RALGAPB: variants seen among roughly 807,000 people sequenced by gnomAD.
RALGAPB encodes ral GTPase-activating protein subunit beta.
RALGAPB carries 25 observed loss-of-function variants against 161.1 expected under a neutral mutation model. The ratio of observed to expected loss-of-function variants is 0.16; its 90% CI spans 0.11 to 0.22. The LOEUF (loss-of-function observed/expected upper bound fraction) is 0.22. RALGAPB is among the 10% of genes least tolerant of loss of function. RALGAPB has a pLI of 1.00. For synonymous variants in RALGAPB, 629 were observed against 626.1 expected (o/e 1.00, Z -0.07); for missense variants, 1,391 against 1,815.2 (o/e 0.77, Z 4.25).
chr20:38,524,056 G>C (rs976886478), intron 10 of RALGAPB, among the ~76,000 whole-genome samples: 3 of 152,198 alleles, frequency 2.0e-5, no homozygotes, highest in African/African-American at 7.2e-5. Context: ...GAGTTTTGCA[G>C]AGAAGAGAAA....
chr20:38,486,629 C>CT (rs1026256017), intron 1 of RALGAPB, among the ~76,000 whole-genome samples: 5 of 151,860 alleles, frequency 3.3e-5, no homozygotes, highest in African/African-American at 4.8e-5. Context: ...CTAGTTTGTC[C>CT]TTTTTTTTCT....
chr20:38,570,889 T>A (rs2088207566), intron 28 of RALGAPB, 42 bp downstream of exon 28: 3 of 1,300,196 alleles, frequency 2.3e-6, no homozygotes, highest in Non-Finnish European at 3.3e-6. Flanking sequence ...TGTCTTTTTT[T>A]AACATATTGA....
intron 20 of RALGAPB, among the ~76,000 whole-genome samples, chr20:38,549,457 GTCT>G (rs2087285863): frequency 6.7e-6 from 1 of 150,250 alleles, no homozygotes; most frequent in Admixed American, 6.7e-5. Flanking sequence ...CCAAACTTCT[GTCT>G]TCAAGTGATC....
chr20:38,531,097 TATAAA>T lies in RALGAPB; in HGVS notation c.2051-67_2051-63del. 2.3e-6 allele frequency: 3 copies of T among 1,277,388 alleles called. No individual in the cohort carries two copies. The South Asian group carries it at 3.7e-5, about 16-fold the overall frequency. 79.1% of individuals were successfully genotyped at this position (1,277,388 alleles called of 1,614,324 possible). ...ATATTCTTATCTGTACTATTAATCA[TATAAA>T]ATGTCTTACGCATTTTAGTGTTCTT... On this transcript the variant is annotated intron_variant, in intron 13 of 29. Coordinates refer to ENST00000262879, the MANE Select transcript of RALGAPB (RefSeq NM_020336.4).
At chr20:38,549,100 A>G (rs1370444504) in intron 20 of RALGAPB, among the ~76,000 whole-genome samples, 1 of 152,226 alleles carries the variant, frequency 6.6e-6, no homozygotes, top group Non-Finnish European at 1.5e-5. Context: ...CAAATGTAAT[A>G]AAAGTCAGAT....
At chr20:38,550,954 T>G in intron 20 of RALGAPB, 117 bp from the exon 21 acceptor site, 1 of 1,246,506 alleles carries the variant, frequency 8.0e-7, no homozygotes, top group Non-Finnish European at 1.1e-6. Context: ...TCTGAGTGAG[T>G]TTTTGTGACA....
At chr20:38,491,410 TG>T (rs1393520811) in intron 2 of RALGAPB, among the ~76,000 whole-genome samples, 1 of 152,158 alleles carries the variant, frequency 6.6e-6, no homozygotes, top group Non-Finnish European at 1.5e-5. Context: ...AAAATGATCT[TG>T]GCATGTTAAT....
Position 38,499,922 on chromosome 20 carries a change from G to C in RALGAPB, c.740+289G>C, listed in dbSNP as rs114955060. 7.4e-3 allele frequency: 1,458 copies of C among 198,300 alleles called. 25 individuals carry two copies. Among genetic ancestry groups the C allele is most frequent in the African/African-American group, 0.031 (1,363 of 43,322 alleles). The allele number at this position is 198,300 out of a possible 1,614,324, so 12.3% of individuals were successfully genotyped here. A position where few individuals can be genotyped will look rare whatever the true frequency, so the allele number is the denominator to read the frequency against. ...AAAATATGCATGATCATTAAAATAT[G>C]CCTAATCATTATTTTAAAGAAACAA... On this transcript the variant is annotated intron_variant, in intron 5 of 29. Coordinates refer to ENST00000262879, the MANE Select transcript of RALGAPB (RefSeq NM_020336.4).
At chr20:38,498,962 G>A (rs1044013353) in intron 4 of RALGAPB, among the ~76,000 whole-genome samples, 4 of 152,164 alleles carry the variant, frequency 2.6e-5, no homozygotes, top group Non-Finnish European at 4.4e-5. Context: ...GCATGAAGTC[G>A]GAGAAGTTAC....
At chr20:38,571,813 T>G (rs2088250198) in intron 28 of RALGAPB, among the ~76,000 whole-genome samples, 1 of 152,186 alleles carries the variant, frequency 6.6e-6, no homozygotes. Flanking sequence ...AGTTTACATT[T>G]CCACCAACAG....
rs574193727 is a variant in RALGAPB, at chr20:38,545,545, A to C, written c.2715-698A>C. Among the ~76,000 whole-genome samples, 6 of 152,098 alleles carry C rather than the reference A, an allele frequency of 3.9e-5. No individual in the cohort carries two copies. In the South Asian group the frequency reaches 1.2e-3, roughly 32 times the overall value. ...TCTACAGCACCACATTTGTCATCTC[A>C]ACTCTCAGCTTGAATGGCCTCTCCT... On this transcript the variant is annotated intron_variant, in intron 18 of 29. Coordinates refer to ENST00000262879, the MANE Select transcript of RALGAPB (RefSeq NM_020336.4).
intron 14 of RALGAPB, among the ~76,000 whole-genome samples, chr20:38,532,513 G>A (rs1195316163): frequency 6.6e-6 from 1 of 152,162 alleles, no homozygotes; most frequent in Non-Finnish European, 1.5e-5. Context: ...CCCCAGTATG[G>A]GCACTTGTAG....
chr20:38,555,574 G>C (rs998843282), intron 22 of RALGAPB, among the ~76,000 whole-genome samples: 1 of 152,116 alleles, frequency 6.6e-6, no homozygotes, highest in Non-Finnish European at 1.5e-5. Flanking sequence ...GAACAGAGTA[G>C]AAGCAGTAAA....
At chr20:38,546,788 G>T (rs1305348544) in intron 19 of RALGAPB, 6 of 218,354 alleles carry the variant, frequency 2.7e-5, no homozygotes, top group Non-Finnish European at 9.2e-6. Flanking sequence ...TGTATCAATT[G>T]TTGGTGCTAC....
At chr20:38,520,006 A>G (rs1007267373) in intron 9 of RALGAPB, among the ~76,000 whole-genome samples, 1 of 152,192 alleles carries the variant, frequency 6.6e-6, no homozygotes, top group African/African-American at 2.4e-5. Context: ...AGTTCTTTGT[A>G]GTTGTGTAAT....
chr20:38,509,340 A>C (rs2085864122), intron 6 of RALGAPB, 132 bp downstream of exon 6: 8 of 993,094 alleles, frequency 8.1e-6, no homozygotes, highest in Non-Finnish European at 1.2e-5. Flanking sequence ...ATCCAGCTGG[A>C]CAACAAGCAC....
At chr20:38,560,229 G>T (rs911232133) in intron 23 of RALGAPB, among the ~76,000 whole-genome samples, 14 of 151,952 alleles carry the variant, frequency 9.2e-5, no homozygotes, top group Non-Finnish European at 1.5e-4. Flanking sequence ...TAGAAGGGAA[G>T]GCAGATGATT....
intron 16 of RALGAPB, among the ~76,000 whole-genome samples, chr20:38,538,673 A>G (rs1045887904): frequency 1.3e-5 from 2 of 152,226 alleles, no homozygotes; most frequent in African/African-American, 2.4e-5. Context: ...AAAATACTCA[A>G]TATCATTAAT....
At chr20:38,501,698 C>T (rs1235392882) in intron 5 of RALGAPB, among the ~76,000 whole-genome samples, 1 of 152,070 alleles carries the variant, frequency 6.6e-6, no homozygotes, top group East Asian at 1.9e-4. Flanking sequence ...AGCCACTGTG[C>T]CCAGCGTGAC....
Sources: gnomAD v4.1 joint callset for allele counts (sites outside exome capture counted in the v4.1 genomes callset) on GRCh38, gnomAD v4.1.1 for gene constraint, MANE v1.5 for transcripts, NCBI Gene and HGNC (gene_info 2026-07-23, HGNC 2026-07-21) for gene names.